The following EPHA6 variants were observed in gnomAD, a reference collection of about 807,000 sequenced individuals.
EPHA6 encodes the protein ephrin type-A receptor 6.
A neutral mutation model predicts 112.0 loss-of-function variants in EPHA6; 50 were observed. The observed-to-expected ratio is 0.45, with a 90% confidence interval of 0.36 to 0.56. The LOEUF is 0.56. EPHA6 is among the 20% of genes least tolerant of loss of function. EPHA6 has a pLI of 0.00. For synonymous variants in EPHA6, 529 were observed against 490.7 expected (o/e 1.08, Z -1.03); for missense variants, 1,280 against 1,417.4 (o/e 0.90, Z 1.56).
At chr3:97,239,985 T>A (rs546910042) in intron 4 of EPHA6, among the ~76,000 whole-genome samples, 25 of 151,958 alleles carry the variant, frequency 1.6e-4, no homozygotes, top group African/African-American at 5.5e-4. Flanking sequence ...TGCATAACCT[T>A]AATGTAATTA....
intron 2 of EPHA6, among the ~76,000 whole-genome samples, chr3:96,981,818 C>A (rs1170860801): frequency 6.6e-6 from 1 of 152,126 alleles, no homozygotes; most frequent in African/African-American, 2.4e-5. Flanking sequence ...TCCATTTCTT[C>A]TAGATTTTCT....
Position 97,688,581 on chromosome 3 carries a change from G to T in EPHA6, c.2785-31680G>T, listed in dbSNP as rs531413886. Among the ~76,000 whole-genome samples, 10 of 110,754 alleles carry T rather than the reference G, an allele frequency of 9.0e-5. No homozygotes were observed. The Admixed American group carries it at 1.0e-3, about 11-fold the overall frequency. The allele number at this position is 110,754 out of a possible 152,430, so 72.7% of individuals were successfully genotyped here. A position where few individuals can be genotyped will look rare whatever the true frequency, so the allele number is the denominator to read the frequency against. ...CACACACTGGGGCCTGTCATGGGGT[G>T]GGGGGAGGGGGGAGGGATAGCATTA... On this transcript the variant is annotated intron_variant, in intron 14 of 17. Transcript: ENST00000389672.
chr3:97,382,100 A>C (rs900798437), intron 5 of EPHA6, among the ~76,000 whole-genome samples: 4 of 152,128 alleles, frequency 2.6e-5, no homozygotes, highest in African/African-American at 9.6e-5. Flanking sequence ...ATTTTAAATA[A>C]ACTATTGTAT....
chr3:97,665,473 GCAA>G (rs1260520189), intron 14 of EPHA6, among the ~76,000 whole-genome samples: 1 of 152,018 alleles, frequency 6.6e-6, no homozygotes, highest in African/African-American at 2.4e-5. Flanking sequence ...GATTGATAAG[GCAA>G]CAACAACATG....
intron 5 of EPHA6, among the ~76,000 whole-genome samples, chr3:97,353,471 G>C (rs139957844): frequency 1.1e-3 from 165 of 151,812 alleles, no homozygotes; most frequent in Non-Finnish European, 2.1e-3. Context: ...GTGAACATCA[G>C]TAGTAGTCAG....
chr3:96,932,789 G>GT (rs1468747332), intron 2 of EPHA6, among the ~76,000 whole-genome samples: 4 of 151,924 alleles, frequency 2.6e-5, no homozygotes, highest in Non-Finnish European at 4.4e-5. Flanking sequence ...GTGTGTTTTT[G>GT]TTTTTTGGCT....
chr3:97,096,242 T>TAC (rs2047231696), intron 3 of EPHA6, among the ~76,000 whole-genome samples: 1 of 145,596 alleles, frequency 6.9e-6, no homozygotes, highest in Non-Finnish European at 1.5e-5. Flanking sequence ...TATATATATA[T>TAC]ATACACACAC....
At chr3:97,214,728 A>C (rs1375654454) in intron 3 of EPHA6, among the ~76,000 whole-genome samples, 1 of 152,154 alleles carries the variant, frequency 6.6e-6, no homozygotes, top group Non-Finnish European at 1.5e-5. Context: ...TCTTAACTGA[A>C]TATACAAGCT....
intron 2 of EPHA6, among the ~76,000 whole-genome samples, chr3:96,922,743 C>G (rs1196174408): frequency 6.6e-6 from 1 of 151,900 alleles, no homozygotes; most frequent in Non-Finnish European, 1.5e-5. Context: ...CACAGATTAT[C>G]CCATCACCTA....
intron 6 of EPHA6, among the ~76,000 whole-genome samples, chr3:97,417,676 T>C (rs2088242566): frequency 6.6e-6 from 1 of 152,188 alleles, no homozygotes; most frequent in Non-Finnish European, 1.5e-5. Flanking sequence ...GAGTTTTCTC[T>C]GAGAGCAAAT....
At chr3:96,837,603 A>G (rs961175210) in intron 1 of EPHA6, among the ~76,000 whole-genome samples, 5 of 152,150 alleles carry the variant, frequency 3.3e-5, no homozygotes, top group African/African-American at 9.6e-5. Flanking sequence ...CCAGGTCAAC[A>G]TGTTTCAATA....
chr3:97,454,695 C>T (rs2090627221), intron 7 of EPHA6, among the ~76,000 whole-genome samples: 1 of 151,758 alleles, frequency 6.6e-6, no homozygotes, highest in African/African-American at 2.4e-5. Flanking sequence ...ACATTTTCTT[C>T]CCTAAACTCT....
At chr3:97,200,784 G>A (rs767547900) in intron 3 of EPHA6, among the ~76,000 whole-genome samples, 6 of 152,056 alleles carry the variant, frequency 3.9e-5, no homozygotes, top group Non-Finnish European at 7.4e-5. Flanking sequence ...TCTTCATTCC[G>A]GGAGCCTGCA....
intron 1 of EPHA6, among the ~76,000 whole-genome samples, chr3:96,865,294 G>T (rs1228922620): frequency 1.3e-5 from 2 of 151,944 alleles, no homozygotes; most frequent in Non-Finnish European, 2.9e-5. Context: ...TATCACAGTG[G>T]TTCACCTAAG....
intron 3 of EPHA6, among the ~76,000 whole-genome samples, chr3:97,101,482 A>G (rs1185074815): frequency 1.3e-5 from 2 of 151,964 alleles, no homozygotes; most frequent in Admixed American, 6.6e-5. Flanking sequence ...ACTGGGTGTC[A>G]TGTTGTTCAT....
At chr3:97,406,928 C>T (rs1051173988) in intron 6 of EPHA6, among the ~76,000 whole-genome samples, 1 of 152,086 alleles carries the variant, frequency 6.6e-6, no homozygotes, top group African/African-American at 2.4e-5. Flanking sequence ...TATTTTCATA[C>T]ACTCAAAATT....
In EPHA6 at chr3:97,637,954, A is replaced by T; in HGVS notation, c.2656A>T (p.Met886Leu). The change falls in exon 14 of 18, where the codon ATG becomes TTG. Residue 886 changes from methionine to leucine, a missense_variant. Physicochemically the swap from Met to Leu is conservative, Grantham distance 15. This residue lies in a region of EPHA6 where 878 missense variants were observed against 999.7 expected (regional missense o/e 0.88). Coordinates refer to ENST00000389672, the MANE Select transcript of EPHA6 (RefSeq NM_001080448.3). ...IASGMKYLSDMGYVHRDLAAR... is the reference protein window; with the variant it reads ...IASGMKYLSDLGYVHRDLAAR... ...ATCAGGCATGAAGTATCTTTCTGAT[A>T]TGGGTTATGTTCATCGAGACCTAGC... The T allele has an allele frequency of 6.2e-7, 1 of 1,613,908 alleles. No individual in the cohort carries two copies.
At chr3:97,270,777 A>T (rs1461767868) in intron 5 of EPHA6, among the ~76,000 whole-genome samples, 1 of 152,250 alleles carries the variant, frequency 6.6e-6, no homozygotes, top group East Asian at 1.9e-4. Flanking sequence ...ACTACAAAAG[A>T]TGTCTCCAGT....
At chr3:96,991,368 C>T (rs1466592496) in intron 3 of EPHA6, among the ~76,000 whole-genome samples, 1 of 152,150 alleles carries the variant, frequency 6.6e-6, no homozygotes, top group East Asian at 1.9e-4. Context: ...ACTTATGTAG[C>T]TGAATTCCAC....
Sources: gnomAD v4.1 joint callset for allele counts (sites outside exome capture counted in the v4.1 genomes callset) on GRCh38, gnomAD v4.1.1 for gene constraint, gnomAD v4.1.1 regional missense constraint, MANE v1.5 for transcripts, NCBI Gene and HGNC (gene_info 2026-07-23, HGNC 2026-07-21) for gene names.